Variants in C10orf105 observed in about 807,000 individuals in gnomAD.
C10orf105 encodes chromosome 10 open reading frame 105.
In C10orf105, 2 loss-of-function variants were observed where a neutral mutation model predicts 0.6. The observed-to-expected ratio is 3.18, with a 90% CI of 1.30 to 10.01. The LOEUF (loss-of-function observed/expected upper bound fraction) is 10.01, where lower values mean the gene tolerates loss of function less well. C10orf105 is among the 30% of genes most tolerant of loss of function. The pLI is 0.04. For synonymous variants in C10orf105, 95 were observed against 82.4 expected, an observed-to-expected ratio of 1.15 and a Z score of -0.83; for missense variants, 209 against 191.4, an observed-to-expected ratio of 1.09 and a Z score of -0.54.
chr10:71,725,395 AT>A, intron 1 of C10orf105: 1 of 1,613,926 alleles, frequency 6.2e-7, no homozygotes, highest in Non-Finnish European at 8.5e-7. Context: ...CAACTTCCGG[AT>A]CCATGTCAGC....
At chr10:71,721,483 C>A (rs1042839641), upstream of C10orf105, among the ~76,000 whole-genome samples, 1 of 152,166 alleles carries the variant, frequency 6.6e-6, no homozygotes, top group Admixed American at 6.5e-5. Flanking sequence ...TCATTGTGCC[C>A]AGTCTAGAGA....
chr10:71,728,443 C>A (rs760265330), intron 1 of C10orf105, among the ~76,000 whole-genome samples: 82 of 152,198 alleles, frequency 5.4e-4, no homozygotes, highest in Non-Finnish European at 9.4e-4. Context: ...CCCCAGAGTC[C>A]TCCACTGGTC....
intron 1 of C10orf105, among the ~76,000 whole-genome samples, chr10:71,727,453 G>T (rs1866867060): frequency 6.6e-6 from 1 of 152,240 alleles, no homozygotes; most frequent in Non-Finnish European, 1.5e-5. Context: ...AGACCCGGGA[G>T]AGCTGGGGGC....
chr10:71,735,337 G>A (rs750356088), intron 1 of C10orf105, among the ~76,000 whole-genome samples: 1 of 152,310 alleles, frequency 6.6e-6, no homozygotes, highest in Non-Finnish European at 1.5e-5. Flanking sequence ...GCCCCTGGGG[G>A]AGGGGGGCCC....
intron 1 of C10orf105, among the ~76,000 whole-genome samples, chr10:71,737,501 G>A (rs1589386920): frequency 6.6e-6 from 1 of 152,216 alleles, no homozygotes; most frequent in African/African-American, 2.4e-5. Context: ...CTGTATAGAA[G>A]GAAGAATGAC....
At chr10:71,722,286 T>A (rs1423178466), upstream of C10orf105, among the ~76,000 whole-genome samples, 3 of 151,876 alleles carry the variant, frequency 2.0e-5, no homozygotes, top group South Asian at 2.1e-4. Context: ...ACAAAAAAAA[T>A]AATAATAATC....
chr10:71,733,343 C>T (rs554802837), intron 1 of C10orf105, among the ~76,000 whole-genome samples: 1 of 152,318 alleles, frequency 6.6e-6, no homozygotes, highest in East Asian at 1.9e-4. Flanking sequence ...TCAGGGATGT[C>T]TATGGAGGCT....
rs1866231570 is a variant in C10orf105 at position 71,716,276 on chromosome 10, G to A, written c.62C>T (p.Ser21Leu). The change falls in exon 2 of 2, where the codon TCA (serine) becomes TTA (leucine). Residue 21 changes from serine to leucine, a missense_variant. Physicochemically the swap from Ser to Leu is moderately radical, Grantham distance 145. Transcript: ENST00000441508. ...SPAISPLAFL[S>L]APVTPGTLAE... ...AAGGGTCCCGGGAGTGACGGGAGCT[G>A]AGAGAAAGGCGAGGGGGCTGATGGC... is the stretch of plus-strand genomic sequence containing the variant. 7.8e-6 allele frequency: 12 copies of A among 1,534,600 alleles called. No individual in the cohort carries two copies. In the East Asian group the frequency reaches 3.0e-4, roughly 38 times the overall value.
chr10:71,730,452 T>G (rs745693827), intron 1 of C10orf105: 1 of 1,612,626 alleles, frequency 6.2e-7, no homozygotes, highest in African/African-American at 1.3e-5. Context: ...CTTGCACCCC[T>G]GGCCCGGCTC....
intron 1 of C10orf105, among the ~76,000 whole-genome samples, chr10:71,718,287 G>GC (rs1364108833): frequency 6.6e-6 from 1 of 152,212 alleles, no homozygotes; most frequent in Non-Finnish European, 1.5e-5. Context: ...GCACTCACCA[G>GC]CAGCCGCAGG....
At chr10:71,720,016 T>A (rs1866476506), upstream of C10orf105, among the ~76,000 whole-genome samples, 3 of 152,358 alleles carry the variant, frequency 2.0e-5, no homozygotes, top group South Asian at 6.2e-4. Context: ...AGGGTTTTAC[T>A]GCCTCTGCGG....
chr10:71,722,076 T>C (rs972368696), upstream of C10orf105, among the ~76,000 whole-genome samples: 1 of 152,244 alleles, frequency 6.6e-6, no homozygotes, highest in Admixed American at 6.5e-5. Flanking sequence ...TCTGCAGTTT[T>C]GTCCAGTGAG....
intron 1 of C10orf105, 25 bp from the exon 2 acceptor site, chr10:71,716,367 T>A (rs1306222087): frequency 3.4e-6 from 5 of 1,453,814 alleles, no homozygotes; most frequent in Non-Finnish European, 4.5e-6. Flanking sequence ...AGACAGAAGC[T>A]CAAAGGCAGA....
At chr10:71,717,277 G>A (rs1180271762) in intron 1 of C10orf105, 1 of 152,140 alleles carries the variant, frequency 6.6e-6, no homozygotes, top group Non-Finnish European at 1.5e-5. Flanking sequence ...GGAAGGCCAA[G>A]GCCACATTGT....
At chr10:71,736,281 G>A (rs1048626398) in intron 1 of C10orf105, among the ~76,000 whole-genome samples, 5 of 152,338 alleles carry the variant, frequency 3.3e-5, no homozygotes, top group Middle Eastern at 3.4e-3. Flanking sequence ...CACCAGCCCC[G>A]GTAGCCCCAA....
chr10:71,713,000 G>A lies in C10orf105; in HGVS notation c.*2936C>T. ...CCCTCTCCCATCCCAGGGAGTGTGG[G>A]CCCCCAGGTTGCAGAGCTGAGGATA... On this transcript the variant is annotated 3_prime_UTR_variant, in exon 2 of 2. Transcript: ENST00000441508. The A allele has an allele frequency of 1.3e-6, 1 of 776,750 alleles. No homozygotes were observed. The highest frequency in any genetic ancestry group is 2.2e-6 in the Non-Finnish European group (1 of 444,764). The allele number at this position is 776,750 out of a possible 1,614,324, so 48.1% of individuals were successfully genotyped here. A position where few individuals can be genotyped will look rare whatever the true frequency, so the allele number is the denominator to read the frequency against.
upstream of C10orf105, among the ~76,000 whole-genome samples, chr10:71,724,740 A>G (rs1471066714): frequency 2.0e-5 from 3 of 152,234 alleles, no homozygotes; most frequent in Non-Finnish European, 4.4e-5. Context: ...CATTGGTCCA[A>G]TCAGAATCCA....
intron 1 of C10orf105, chr10:71,734,150 A>G (rs1183715796): frequency 9.8e-7 from 1 of 1,016,854 alleles, no homozygotes; most frequent in Non-Finnish European, 1.5e-6. Context: ...CGGACAGAGG[A>G]AGTGACATGG....
At chr10:71,716,394 C>G in intron 1 of C10orf105, 52 bp from the exon 2 acceptor site, 1 of 1,424,886 alleles carries the variant, frequency 7.0e-7, no homozygotes, top group South Asian at 1.5e-5. Context: ...GGACCCAGGG[C>G]AGCGGGTATA....
Sources: allele counts gnomAD v4.1 joint callset (sites outside exome capture counted in the v4.1 genomes callset), GRCh38; gene constraint gnomAD v4.1.1; transcripts MANE v1.5; gene names NCBI Gene and HGNC (gene_info 2026-07-23, HGNC 2026-07-21).